PLA2R1: variants seen among roughly 807,000 people sequenced by gnomAD.
The protein encoded by PLA2R1 is phospholipase A2 receptor 1.
In PLA2R1, 158 loss-of-function variants were observed where a neutral mutation model predicts 195.9. The ratio of observed to expected loss-of-function variants is 0.81; its 90% CI spans 0.71 to 0.92. The LOEUF is 0.92. Among genes scored for constraint, PLA2R1 ranks in the 40% least tolerant of loss-of-function variants. The pLI is 0.00. For synonymous variants in PLA2R1, 586 were observed against 598.2 expected, an observed-to-expected ratio of 0.98 and a Z score of 0.30; for missense variants, 1,626 against 1,764.6, an observed-to-expected ratio of 0.92 and a Z score of 1.41.
chr2:159,958,542 C>T (rs1688246337), intron 20 of PLA2R1, among the ~76,000 whole-genome samples: 1 of 152,086 alleles, frequency 6.6e-6, no homozygotes. Context: ...TCATACACCC[C>T]TTAAAAGCAG....
At chr2:159,984,658 C>T (rs1432981476) in intron 12 of PLA2R1, among the ~76,000 whole-genome samples, 1 of 152,206 alleles carries the variant, frequency 6.6e-6, no homozygotes, top group Non-Finnish European at 1.5e-5. Flanking sequence ...TGCAGTGGTT[C>T]AGCTGTGCCT....
chr2:160,037,598 G>A (rs1008602016), intron 3 of PLA2R1, among the ~76,000 whole-genome samples: 5 of 152,130 alleles, frequency 3.3e-5, no homozygotes, highest in Non-Finnish European at 7.4e-5. Flanking sequence ...TCTTTTACTT[G>A]GTTTTATTAT....
chr2:160,027,043 T>C (rs750622013), intron 6 of PLA2R1, among the ~76,000 whole-genome samples: 1 of 152,182 alleles, frequency 6.6e-6, no homozygotes, highest in African/African-American at 2.4e-5. Flanking sequence ...TGAGGCAGAA[T>C]TGCTTGAACC....
At chr2:160,010,803 T>C (rs1274235572) in intron 10 of PLA2R1, among the ~76,000 whole-genome samples, 8 of 152,194 alleles carry the variant, frequency 5.3e-5, no homozygotes, top group Admixed American at 5.2e-4. Context: ...ACCAAGAGCA[T>C]TGGCCCTTTC....
intron 23 of PLA2R1, 47 bp from the exon 24 acceptor site, chr2:159,951,625 A>G: frequency 1.1e-6 from 1 of 951,300 alleles, no homozygotes; most frequent in Non-Finnish European, 1.7e-6. Flanking sequence ...TCTGGATGAC[A>G]AAGGAAGAGG....
chr2:160,005,178 G>C (rs1252144916), intron 11 of PLA2R1, among the ~76,000 whole-genome samples: 1 of 152,248 alleles, frequency 6.6e-6, no homozygotes, highest in Non-Finnish European at 1.5e-5. Flanking sequence ...CATTGGGCCA[G>C]GCAATTTGGC....
At chr2:159,983,831 G>T in intron 13 of PLA2R1, 97 bp downstream of exon 13, 2 of 593,722 alleles carry the variant, frequency 3.4e-6, no homozygotes, top group East Asian at 2.7e-5. Context: ...ACAAATATGG[G>T]AATTTTAAAC....
intron 1 of PLA2R1, among the ~76,000 whole-genome samples, chr2:160,045,854 G>A (rs753546120): frequency 7.9e-5 from 12 of 152,306 alleles, no homozygotes; most frequent in Non-Finnish European, 8.8e-5. Context: ...CTTGAAACAC[G>A]AGAGGTGACG....
chr2:159,976,247 T>C (rs773089334), intron 16 of PLA2R1, 22 bp from the exon 17 acceptor site: 7 of 1,570,318 alleles, frequency 4.5e-6, no homozygotes, highest in Non-Finnish European at 6.1e-6. Flanking sequence ...ACAGTGAAAA[T>C]AATGCTGAAA....
At chr2:160,016,492 G>A (rs1251827228) in intron 9 of PLA2R1, 122 bp downstream of exon 9, 20 of 658,040 alleles carry the variant, frequency 3.0e-5, no homozygotes, top group Admixed American at 5.0e-5. Context: ...CGAGGAGAGA[G>A]AGAGAGATGA....
At chr2:159,992,292 A>G (rs1222425618) in intron 11 of PLA2R1, among the ~76,000 whole-genome samples, 5 of 149,012 alleles carry the variant, frequency 3.4e-5, no homozygotes, top group African/African-American at 1.0e-4. Flanking sequence ...CATGTCCTTC[A>G]CCCACTAAGC....
chr2:159,930,377 C>A (rs1686560726), downstream of PLA2R1, among the ~76,000 whole-genome samples: 1 of 149,704 alleles, frequency 6.7e-6, no homozygotes, highest in African/African-American at 2.5e-5. Context: ...CACTACACTC[C>A]AGCCTGGGAG....
Position 159,976,134 on chromosome 2 carries a change from C to A in PLA2R1, c.2529G>T (p.Leu843=). 1 of 1,611,710 alleles carries A rather than the reference C, an allele frequency of 6.2e-7. No individual in the cohort carries two copies. Among genetic ancestry groups the A allele is most frequent in the South Asian group, 1.1e-5 (1 of 90,998 alleles). ...AATGAATTGTGAGAAGATCACTGTG[C>A]AGCCAGCTACAGACAAACTCAAAGT... ...WLNFEFVCSW[L]HSDLLTIHSA... Residue 843 remains leucine, a synonymous_variant, in exon 17 of 30, where the codon CTG becomes CTT. Transcript: ENST00000283243.
chr2:160,003,070 G>C (rs1217333355), intron 11 of PLA2R1, among the ~76,000 whole-genome samples: 1 of 151,942 alleles, frequency 6.6e-6, no homozygotes, highest in East Asian at 1.9e-4. Flanking sequence ...TGAGAATGTA[G>C]GTTATGTTTA....
chr2:159,955,185 C>T lies in PLA2R1; in HGVS notation c.3301+14G>A, dbSNP rs1326476806. The T allele has an allele frequency of 6.3e-7, 1 of 1,591,548 alleles. No individual in the cohort carries two copies. Among genetic ancestry groups the T allele is most frequent in the African/African-American group, 1.4e-5 (1 of 73,840 alleles). On this transcript the variant is annotated intron_variant, in intron 23 of 29. Coordinates refer to ENST00000283243, the MANE Select transcript of PLA2R1 (RefSeq NM_007366.5). ...TTTGGAAATGAAAGGAATAAAAACC[C>T]AAATATTTCTTACCTTGCATTTTTT... is the stretch of plus-strand genomic sequence containing the variant.
chr2:160,025,357 A>G (rs541683366), intron 6 of PLA2R1, among the ~76,000 whole-genome samples: 1 of 152,222 alleles, frequency 6.6e-6, no homozygotes, highest in South Asian at 2.1e-4. Flanking sequence ...TCTCTAAAGC[A>G]TAAATAAATA....
chr2:160,008,505 A>C (rs1191435354), intron 10 of PLA2R1, among the ~76,000 whole-genome samples: 1 of 152,226 alleles, frequency 6.6e-6, no homozygotes, highest in Non-Finnish European at 1.5e-5. Flanking sequence ...TTGCAACAGA[A>C]TGAAGTTAGA....
chr2:159,975,620 TTA>T (rs1221174583), intron 17 of PLA2R1, among the ~76,000 whole-genome samples: 2 of 152,140 alleles, frequency 1.3e-5, no homozygotes, highest in Non-Finnish European at 2.9e-5. Flanking sequence ...TCTGTGGCAT[TTA>T]TCCACTTATT....
At chr2:159,980,838 GA>G (rs1208223452) in intron 13 of PLA2R1, among the ~76,000 whole-genome samples, 3 of 152,208 alleles carry the variant, frequency 2.0e-5, no homozygotes, top group Non-Finnish European at 4.4e-5. Flanking sequence ...TTTGTGCAGA[GA>G]AGCAAGGAAT....
Sources: gnomAD v4.1 joint callset for allele counts (sites outside exome capture counted in the v4.1 genomes callset) on GRCh38, gnomAD v4.1.1 for gene constraint, MANE v1.5 for transcripts, NCBI Gene and HGNC (gene_info 2026-07-23, HGNC 2026-07-21) for gene names.